The following KCNN2 variants were observed in gnomAD, a reference collection of about 807,000 sequenced individuals.
KCNN2 encodes the protein small conductance calcium-activated potassium channel protein 2.
A neutral mutation model predicts 55.5 loss-of-function variants in KCNN2; 24 were observed. That is an observed-to-expected ratio of 0.43 (90% CI 0.31 to 0.61). The LOEUF (loss-of-function observed/expected upper bound fraction) is 0.61, where lower values mean the gene tolerates loss of function less well. Among genes scored for constraint, KCNN2 ranks in the 20% least tolerant of loss-of-function variants. The pLI, the probability that KCNN2 is intolerant of heterozygous loss-of-function variation, is 0.08. For missense variants in KCNN2, 754 were observed against 853.6 expected (o/e 0.88, Z 1.45); for synonymous variants, 431 against 336.1 (o/e 1.28, Z -3.09).
Position 114,362,931 on chromosome 5 carries a change from C to CGCT in KCNN2, c.795_797dup (p.Ala270dup), listed in dbSNP as rs770775286. The CGCT allele has an allele frequency of 3.2e-5, 49 of 1,548,138 alleles. No individual in the cohort carries two copies. The highest frequency in any genetic ancestry group is 1.2e-4 in the African/African-American group (8 of 67,462). ...GCGGCGCGTCCTCCCCGTCTGCAGC[C>CGCT]GCTGCCGCCGCCGCCGCTGTTTCGT... On this transcript the variant is annotated inframe_insertion, in exon 1 of 8. Transcript: ENST00000673685.
rs577307753 is a variant in KCNN2, at chr5:114,286,143, C to T, written c.-185+64578C>T. ...CACATACAAAAGTATAAAATAAAAA[C>T]GTCCTAGTCTCCTTCCTAATTTAGC... On this transcript the variant is annotated intron_variant, in intron 2 of 10. Transcript: ENST00000512097. Among the ~76,000 whole-genome samples, 342 of 152,140 alleles carry T rather than the reference C, an allele frequency of 2.2e-3. 1 individual carries two copies. The highest frequency in any genetic ancestry group is 3.6e-3 in the Non-Finnish European group (243 of 68,006).
intron 1 of KCNN2, among the ~76,000 whole-genome samples, chr5:114,070,886 GA>G (rs1172100941): frequency 2.6e-5 from 4 of 152,086 alleles, no homozygotes; most frequent in Non-Finnish European, 5.9e-5. Context: ...GGAGTTTGAG[GA>G]ATTAATGCCA....
intron 1 of KCNN2, among the ~76,000 whole-genome samples, chr5:114,127,947 C>T (rs754007723): frequency 6.6e-6 from 1 of 152,090 alleles, no homozygotes; most frequent in African/African-American, 2.4e-5. Context: ...TTATCTCCAT[C>T]TCAGACCACC....
chr5:114,226,077 A>C (rs1426124113), intron 2 of KCNN2, among the ~76,000 whole-genome samples: 1 of 152,078 alleles, frequency 6.6e-6, no homozygotes, highest in Non-Finnish European at 1.5e-5. Flanking sequence ...GAAGAAGAGC[A>C]GAGTGGGAAA....
intron 2 of KCNN2, among the ~76,000 whole-genome samples, chr5:114,398,260 T>C (rs553434780): frequency 6.6e-6 from 1 of 152,324 alleles, no homozygotes; most frequent in East Asian, 1.9e-4. Context: ...TAGCCGGTTT[T>C]CCCAGTACCA....
intron 1 of KCNN2, among the ~76,000 whole-genome samples, chr5:114,121,562 G>A (rs545843626): frequency 5.3e-5 from 8 of 152,228 alleles, no homozygotes; most frequent in African/African-American, 1.2e-4. Context: ...GGAGACAAGC[G>A]TCCTTTACCC....
chr5:114,451,067 T>C (rs1421566391), intron 3 of KCNN2, among the ~76,000 whole-genome samples: 1 of 152,230 alleles, frequency 6.6e-6, no homozygotes, highest in Non-Finnish European at 1.5e-5. Context: ...GAAAGTTATA[T>C]AGGTGTAAGA....
intron 2 of KCNN2, among the ~76,000 whole-genome samples, chr5:114,225,954 A>C (rs1456161665): frequency 2.0e-5 from 3 of 152,210 alleles, no homozygotes; most frequent in African/African-American, 7.2e-5. Flanking sequence ...TGAGCAAATA[A>C]ATCAATAAAG....
chr5:114,138,620 A>ACTTGATCTATTCATCT, intron 1 of KCNN2, among the ~76,000 whole-genome samples: 1 of 152,288 alleles, frequency 6.6e-6, no homozygotes, highest in Non-Finnish European at 1.5e-5. Context: ...ACTGTTATTA[A>ACTTGATCTATTCATCT]CTTGATCTAT....
At chr5:114,279,472 C>A (rs1174858206) in intron 2 of KCNN2, among the ~76,000 whole-genome samples, 1 of 152,084 alleles carries the variant, frequency 6.6e-6, no homozygotes, top group Non-Finnish European at 1.5e-5. Context: ...CACAACAGGC[C>A]CCAGTGTGTG....
chr5:114,479,158 A>T (rs1318009593), intron 5 of KCNN2, among the ~76,000 whole-genome samples: 2 of 151,956 alleles, frequency 1.3e-5, no homozygotes, highest in Non-Finnish European at 2.9e-5. Flanking sequence ...AGACCCTCTC[A>T]TGTGCAGACA....
At chr5:114,131,878 A>G (rs1019246288) in intron 1 of KCNN2, among the ~76,000 whole-genome samples, 3 of 152,248 alleles carry the variant, frequency 2.0e-5, no homozygotes, top group Non-Finnish European at 4.4e-5. Context: ...TCTAATGATC[A>G]GTGAAGCTGA....
At chr5:114,325,294 G>T (rs1756694243) in intron 2 of KCNN2, among the ~76,000 whole-genome samples, 1 of 152,140 alleles carries the variant, frequency 6.6e-6, no homozygotes. Flanking sequence ...TAAAATGCAA[G>T]AAAAGAGATA....
At chr5:114,407,566 G>T (rs1758976813) in intron 3 of KCNN2, among the ~76,000 whole-genome samples, 1 of 152,062 alleles carries the variant, frequency 6.6e-6, no homozygotes, top group Non-Finnish European at 1.5e-5. Flanking sequence ...TGTTTTAGGA[G>T]CTTTGCATAC....
intron 1 of KCNN2, among the ~76,000 whole-genome samples, chr5:114,079,322 C>A (rs967083619): frequency 6.6e-6 from 1 of 151,872 alleles, no homozygotes; most frequent in Non-Finnish European, 1.5e-5. Context: ...AGGCAAGCAA[C>A]AAATATAATA....
At chr5:114,439,571 G>C (rs1483548469) in intron 3 of KCNN2, among the ~76,000 whole-genome samples, 2 of 152,076 alleles carry the variant, frequency 1.3e-5, no homozygotes, top group Admixed American at 1.3e-4. Context: ...CACTGGTCTT[G>C]GGTTGTGGCC....
At chr5:114,191,157 C>T (rs1753441512) in intron 1 of KCNN2, among the ~76,000 whole-genome samples, 1 of 152,104 alleles carries the variant, frequency 6.6e-6, no homozygotes, top group Non-Finnish European at 1.5e-5. Context: ...TAAATGTGAA[C>T]TTTATTTTTC....
At chr5:114,432,469 T>TA (rs138022044) in intron 3 of KCNN2, among the ~76,000 whole-genome samples, 6,675 of 152,348 alleles carry the variant, frequency 0.044, 161 homozygotes, top group Middle Eastern at 0.068. Context: ...TCTTTATTAT[T>TA]AAAGTGGGTT....
At chr5:114,474,254 A>T (rs1761875659) in intron 5 of KCNN2, among the ~76,000 whole-genome samples, 1 of 152,182 alleles carries the variant, frequency 6.6e-6, no homozygotes, top group African/African-American at 2.4e-5. Context: ...ATTTATATAG[A>T]TTATACTTAG....
Sources: allele counts gnomAD v4.1 joint callset (sites outside exome capture counted in the v4.1 genomes callset), GRCh38; gene constraint gnomAD v4.1.1; transcripts MANE v1.5; gene names NCBI Gene and HGNC (gene_info 2026-07-23, HGNC 2026-07-21).